Variants in WWC2 observed in about 807,000 individuals in gnomAD.
WWC2 encodes protein WWC2.
In WWC2, 101 loss-of-function variants were observed where a neutral mutation model predicts 138.5. The observed-to-expected ratio is 0.73, with a 90% CI of 0.62 to 0.86. The LOEUF is 0.86. WWC2 is among the 40% of genes least tolerant of loss of function. The probability of loss-of-function intolerance (pLI) is 0.00; values close to 1 mark genes in which losing one functional copy is unlikely to be tolerated. For synonymous variants in WWC2, 558 were observed against 538.4 expected (o/e 1.04, Z -0.50); for missense variants, 1,420 against 1,419.4 (o/e 1.00, Z -0.01).
At chr4:183,099,923 A>G (rs1743113465) in intron 1 of WWC2, among the ~76,000 whole-genome samples, 1 of 152,160 alleles carries the variant, frequency 6.6e-6, no homozygotes, top group East Asian at 1.9e-4. Context: ...CCTGTTAGGA[A>G]CTTCCCTAGG....
At chr4:183,250,633 A>G (rs1736949649) in intron 8 of WWC2, among the ~76,000 whole-genome samples, 1 of 152,194 alleles carries the variant, frequency 6.6e-6, no homozygotes, top group South Asian at 2.1e-4. Context: ...CACTATCCGT[A>G]TCTAGTAGAT....
chr4:183,123,982 C>A (rs190735214), intron 1 of WWC2, among the ~76,000 whole-genome samples: 1 of 152,054 alleles, frequency 6.6e-6, no homozygotes, highest in South Asian at 2.1e-4. Context: ...AAATTCGGAA[C>A]GTTCATTCTT....
chr4:183,189,104 G>C (rs1734908782), intron 1 of WWC2, among the ~76,000 whole-genome samples: 2 of 151,608 alleles, frequency 1.3e-5, no homozygotes, highest in South Asian at 4.2e-4. Context: ...TCCTTTGTTT[G>C]TTTCTTTGTG....
chr4:183,247,055 A>G (rs1034086407), intron 6 of WWC2, among the ~76,000 whole-genome samples: 1 of 152,232 alleles, frequency 6.6e-6, no homozygotes. Flanking sequence ...GATTGACAAT[A>G]GAGTTAGAAG....
At position 183,249,926 on chromosome 4, in the gene WWC2, G is replaced by T. The variant is rs750321330; in HGVS notation, c.886G>T (p.Val296Leu). ...CTTTTTCTTTTTCCACTAGATTGGA[G>T]TAAGAAGTAGATCAAATTTAGCTGA... ...SQTSISGDIGVRSRSNLAEKV... is the reference protein window; with the variant it reads ...SQTSISGDIGLRSRSNLAEKV... Residue 296 changes from valine to leucine, a missense_variant, in exon 8 of 23, where the codon GTA (valine) becomes TTA (leucine). Coordinates refer to ENST00000403733, the MANE Select transcript of WWC2 (RefSeq NM_024949.6). 6.2e-7 allele frequency: 1 copy of T among 1,613,168 alleles called. No individual in the cohort carries two copies. The highest frequency in any genetic ancestry group is 2.2e-5 in the East Asian group (1 of 44,874).
intron 1 of WWC2, among the ~76,000 whole-genome samples, chr4:183,161,616 T>A (rs1205982967): frequency 6.6e-6 from 1 of 152,210 alleles, no homozygotes; most frequent in East Asian, 1.9e-4. Context: ...AGTGGTCCCA[T>A]AATATTAAAA....
intron 4 of WWC2, among the ~76,000 whole-genome samples, chr4:183,229,971 C>T (rs1736193370): frequency 1.3e-5 from 2 of 151,994 alleles, no homozygotes; most frequent in Admixed American, 6.5e-5. Flanking sequence ...ACTACAGGTG[C>T]ACTCCATCAC....
intron 4 of WWC2, among the ~76,000 whole-genome samples, chr4:183,211,619 C>T (rs1735599771): frequency 6.6e-6 from 1 of 152,034 alleles, no homozygotes; most frequent in African/African-American, 2.4e-5. Context: ...GGTGTTTTAC[C>T]AGGGCCCCTT....
chr4:183,310,529 G>T (rs1739175406), intron 21 of WWC2, among the ~76,000 whole-genome samples: 1 of 152,012 alleles, frequency 6.6e-6, no homozygotes, highest in Non-Finnish European at 1.5e-5. Context: ...TTGAAACAGG[G>T]TCTTGCTCTG....
chr4:183,315,810 T>A lies in WWC2; in HGVS notation c.*81T>A. The A allele has an allele frequency of 8.1e-7, 1 of 1,237,560 alleles. No homozygotes were observed. The highest frequency in any genetic ancestry group is 1.5e-5 in the South Asian group (1 of 66,236). The allele number at this position is 1,237,560 out of a possible 1,614,324, so 76.7% of individuals were successfully genotyped here. On this transcript the variant is annotated 3_prime_UTR_variant, in exon 23 of 23. Coordinates refer to ENST00000403733, the MANE Select transcript of WWC2 (RefSeq NM_024949.6). ...AGACTGAAGATTTGTGTTTTTGTTT[T>A]GGTGTTTGGTTTTTTTTGGTAACGT...
intron 1 of WWC2, among the ~76,000 whole-genome samples, chr4:183,149,064 C>CT (rs374546832): frequency 2.0e-5 from 3 of 151,564 alleles, no homozygotes; most frequent in Non-Finnish European, 2.9e-5. Flanking sequence ...TCATCTAAGT[C>CT]TTTTTTTTAT....
At chr4:183,230,808 GAGCA>G (rs1736221709) in intron 4 of WWC2, among the ~76,000 whole-genome samples, 1 of 152,056 alleles carries the variant, frequency 6.6e-6, no homozygotes, top group African/African-American at 2.4e-5. Flanking sequence ...AAGAGAAAAT[GAGCA>G]AATAAAAAAG....
chr4:183,302,431 C>T (rs148999185), intron 21 of WWC2, among the ~76,000 whole-genome samples: 225 of 152,300 alleles, frequency 1.5e-3, no homozygotes, highest in African/African-American at 5.2e-3. Flanking sequence ...CTAGAAGCAT[C>T]GCAATTGTGG....
intron 1 of WWC2, among the ~76,000 whole-genome samples, chr4:183,178,729 G>A (rs1178938958): frequency 1.3e-5 from 2 of 152,144 alleles, no homozygotes; most frequent in African/African-American, 2.4e-5. Flanking sequence ...ATGGAAGCTC[G>A]GACTCAGTCT....
At chr4:183,271,981 G>A (rs1362449043) in intron 16 of WWC2, among the ~76,000 whole-genome samples, 1 of 152,164 alleles carries the variant, frequency 6.6e-6, no homozygotes, top group Non-Finnish European at 1.5e-5. Context: ...ACTCCAGCCT[G>A]GATGACAGAA....
chr4:183,265,196 A>G (rs1482864662), intron 12 of WWC2, 89 bp downstream of exon 12: 1 of 1,464,478 alleles, frequency 6.8e-7, no homozygotes, highest in South Asian at 1.6e-5. Context: ...TGCTACCATT[A>G]GTCCGCTCTT....
At chr4:183,137,218 TG>T (rs1329040933) in intron 1 of WWC2, among the ~76,000 whole-genome samples, 1 of 152,204 alleles carries the variant, frequency 6.6e-6, no homozygotes, top group Admixed American at 6.5e-5. Flanking sequence ...CAGTAATCAA[TG>T]CTAACTTACT....
chr4:183,203,029 C>T (rs1735344423), intron 2 of WWC2, among the ~76,000 whole-genome samples: 1 of 152,184 alleles, frequency 6.6e-6, no homozygotes, highest in African/African-American at 2.4e-5. Context: ...CTCAAGGTCA[C>T]ACAATTTGTA....
intron 15 of WWC2, 112 bp downstream of exon 15, chr4:183,269,275 A>C: frequency 9.8e-7 from 1 of 1,017,674 alleles, no homozygotes; most frequent in Admixed American, 2.3e-5. Context: ...GACCTGCCCA[A>C]CATCTTGGGA....
Sources: gnomAD v4.1 joint callset for allele counts (sites outside exome capture counted in the v4.1 genomes callset) on GRCh38, gnomAD v4.1.1 for gene constraint, MANE v1.5 for transcripts, NCBI Gene and HGNC (gene_info 2026-07-23, HGNC 2026-07-21) for gene names.